DOP1A: variants seen among roughly 807,000 people sequenced by gnomAD.
The protein encoded by DOP1A is protein DOP1A.
DOP1A carries 90 observed loss-of-function variants against 267.6 expected under a neutral mutation model. That is an observed-to-expected ratio of 0.34 (90% confidence interval 0.28 to 0.40). The LOEUF (loss-of-function observed/expected upper bound fraction) is 0.40. Ranked by LOEUF, DOP1A falls within the 10% of genes least tolerant of loss-of-function variation. The pLI is 1.00. For synonymous variants in DOP1A, 932 were observed against 999.1 expected, an observed-to-expected ratio of 0.93 and a Z score of 1.27; for missense variants, 2,437 against 2,900.4, an observed-to-expected ratio of 0.84 and a Z score of 3.67.
chr6:83,133,001 A>T (rs1307380489), intron 18 of DOP1A, among the ~76,000 whole-genome samples: 2 of 152,126 alleles, frequency 1.3e-5, no homozygotes, highest in African/African-American at 2.4e-5. Context: ...ATTTTTAAAA[A>T]ACTCAAAATG....
chr6:83,135,578 G>A (rs752986682), intron 19 of DOP1A, 41 bp from the exon 20 acceptor site: 2 of 1,568,166 alleles, frequency 1.3e-6, no homozygotes, highest in South Asian at 1.2e-5. Context: ...TGACAAGGTA[G>A]ATGTTTGGTT....
chr6:83,089,083 T>G (rs1157303513), intron 1 of DOP1A, among the ~76,000 whole-genome samples: 1 of 152,218 alleles, frequency 6.6e-6, no homozygotes, highest in Non-Finnish European at 1.5e-5. Context: ...CCCAGATACA[T>G]CTTTGGAATT....
At chr6:83,158,043 G>A (rs1311451008) in intron 35 of DOP1A, among the ~76,000 whole-genome samples, 2 of 151,602 alleles carry the variant, frequency 1.3e-5, no homozygotes, top group African/African-American at 4.8e-5. Context: ...CTGTCACCCA[G>A]GCTGGAGTGC....
In DOP1A at chr6:83,130,195, G is replaced by A. The variant is rs1353389894; in HGVS notation, c.2414G>A (p.Ser805Asn). ...MNACSQASDFSVQSVAISLVM... is the reference protein window; with the variant it reads ...MNACSQASDFNVQSVAISLVM... ...GCTTGCAGCCAAGCAAGTGATTTCA[G>A]TGTTCAGAGTGTTGCTATTTCACTA... Residue 805 changes from serine (S) to asparagine (N), a missense_variant, in exon 17 of 39, where the codon AGT becomes AAT. Ser to Asn is a conservative substitution (Grantham distance 46). This residue lies in a region of DOP1A where 878 missense variants were observed against 992.9 expected (regional missense o/e 0.88). Coordinates refer to ENST00000349129, the MANE Select transcript of DOP1A (RefSeq NM_015018.4). 6.2e-7 allele frequency: 1 copy of A among 1,614,090 alleles called. No homozygotes were observed. Among genetic ancestry groups the A allele is most frequent in the East Asian group, 2.2e-5 (1 of 44,864 alleles).
chr6:83,071,182 G>C (rs936802408), intron 1 of DOP1A, among the ~76,000 whole-genome samples: 1 of 152,106 alleles, frequency 6.6e-6, no homozygotes, highest in African/African-American at 2.4e-5. Flanking sequence ...TCTTGATACA[G>C]TCAGAGGAAC....
chr6:83,136,650 T>C (rs1778903907), intron 20 of DOP1A, among the ~76,000 whole-genome samples: 1 of 152,160 alleles, frequency 6.6e-6, no homozygotes, highest in East Asian at 1.9e-4. Flanking sequence ...GGTTCCTCTC[T>C]CTGGCTTCTT....
At chr6:83,137,058 A>G (rs956077728) in intron 20 of DOP1A, 115 bp from the exon 21 acceptor site, 1 of 1,010,650 alleles carries the variant, frequency 9.9e-7, no homozygotes, top group Non-Finnish European at 1.3e-6. Context: ...TTAGGAAAAT[A>G]TAAGTAGATG....
intron 1 of DOP1A, among the ~76,000 whole-genome samples, chr6:83,081,323 G>T (rs1413600177): frequency 6.6e-6 from 1 of 152,022 alleles, no homozygotes; most frequent in African/African-American, 2.4e-5. Context: ...GGCCAGGCTG[G>T]TCTCCAACTT....
rs576572681 is a variant in DOP1A at position 83,105,929 on chromosome 6, G to A, written c.321-2981G>A. Among the ~76,000 whole-genome samples the A allele has an allele frequency of 1.7e-3, 264 of 152,176 alleles. 1 individual carries two copies. The highest frequency in any genetic ancestry group is 5.7e-3 in the African/African-American group (238 of 41,534). On this transcript the variant is annotated intron_variant, in intron 4 of 38. Coordinates refer to ENST00000349129, the MANE Select transcript of DOP1A (RefSeq NM_015018.4). ...CCTATTTTTATCATTAGTATGTTACGTAAAATTAAATCTAGAATACCATTT... is the reference window on the plus strand; with the variant it reads ...CCTATTTTTATCATTAGTATGTTACATAAAATTAAATCTAGAATACCATTT...
Position 83,138,027 on chromosome 6 carries a change from C to G in DOP1A, c.3985C>G (p.Leu1329Val), listed in dbSNP as rs182257107. The G allele has an allele frequency of 6.2e-7, 1 of 1,610,276 alleles. No homozygotes were observed. The highest frequency in any genetic ancestry group is 1.1e-5 in the South Asian group (1 of 90,492). ...KQTSVFFSDGLDLENWYSCGE... is the reference protein window; with the variant it reads ...KQTSVFFSDGVDLENWYSCGE... Reference sequence around the variant, plus strand: ...AACCAGTGTATTCTTCAGTGATGGTCTGGATTTAGAGAACTGGTATAGCTG... The same window carrying G: ...AACCAGTGTATTCTTCAGTGATGGTGTGGATTTAGAGAACTGGTATAGCTG... Residue 1329 changes from leucine to valine, a missense_variant, in exon 21 of 39, where the codon CTG (leucine) becomes GTG (valine). Transcript: ENST00000349129.
chr6:83,096,762 T>G lies in DOP1A; in HGVS notation c.-115T>G. On this transcript the variant is annotated 5_prime_UTR_variant, in exon 2 of 39. Transcript: ENST00000349129. ...ACACACAAGTAGTTATCTTTCAGGC[T>G]GTCTTTGAATACTTCCATGACCCTG... The G allele has an allele frequency of 2.3e-6, 1 of 431,410 alleles. No homozygotes were observed. The highest frequency in any genetic ancestry group is 1.0e-4 in the South Asian group (1 of 9,904). The allele number at this position is 431,410 out of a possible 1,614,324, so 26.7% of individuals were successfully genotyped here.
At chr6:83,152,048 G>C in intron 29 of DOP1A, 21 bp downstream of exon 29, 1 of 1,612,772 alleles carries the variant, frequency 6.2e-7, no homozygotes, top group Non-Finnish European at 8.5e-7. Context: ...CAAACATTTA[G>C]GTTTATTATC....
intron 38 of DOP1A, chr6:83,165,928 C>A: frequency 2.6e-6 from 1 of 388,672 alleles, no homozygotes; most frequent in South Asian, 2.1e-5. Context: ...TGTAGTGGAT[C>A]AGACTGGCAG....
At position 83,108,897 on chromosome 6, in the gene DOP1A, AT is replaced by A. The variant is rs770675627; in HGVS notation, c.321-6del. The A allele has an allele frequency of 1.9e-6, 3 of 1,602,598 alleles. No homozygotes were observed. The highest frequency in any genetic ancestry group is 2.7e-5 in the African/African-American group (2 of 74,294). ...TTTTGCTTCCTTCTCCTTTGTCTTTATTTTTTTAATAGTTCTGGATTATTTC... is the reference window on the plus strand; with the variant it reads ...TTTTGCTTCCTTCTCCTTTGTCTTTATTTTTTAATAGTTCTGGATTATTTC... On this transcript the variant is annotated splice_polypyrimidine_tract_variant and intron_variant, in intron 4 of 38. Transcript: ENST00000349129.
chr6:83,170,062 T>C (rs1205080969), downstream of DOP1A, among the ~76,000 whole-genome samples: 1 of 152,222 alleles, frequency 6.6e-6, no homozygotes, highest in Non-Finnish European at 1.5e-5. Flanking sequence ...GTTAAAAATA[T>C]GACACTTTCA....
chr6:83,158,610 A>C lies in DOP1A; in HGVS notation c.6785A>C (p.Glu2262Ala). The C allele has an allele frequency of 6.2e-7, 1 of 1,605,614 alleles. No homozygotes were observed. The highest frequency in any genetic ancestry group is 8.5e-7 in the Non-Finnish European group (1 of 1,174,722). ...LLMEQELTAD[E>A]DISRTSGPSV... ...ATGGAGCAGGAACTCACTGCTGATG[A>C]AGATATTTCACGGTAATATGTAATT... Residue 2262 changes from glutamate (E) to alanine (A), a missense_variant, in exon 36 of 39, where the codon GAA (glutamate) becomes GCA (alanine). This residue lies in a region of DOP1A where 197 missense variants were observed against 246.5 expected (regional missense o/e 0.80). Coordinates refer to ENST00000349129, the MANE Select transcript of DOP1A (RefSeq NM_015018.4).
rs1324574127 is a variant in DOP1A at position 83,134,222 on chromosome 6, T to C, written c.2805T>C (p.Val935=). 7.4e-6 allele frequency: 12 copies of C among 1,612,986 alleles called. No individual in the cohort carries two copies. Among genetic ancestry groups the C allele is most frequent in the Non-Finnish European group, 1.0e-5 (12 of 1,179,430 alleles). The change falls in exon 19 of 39, where the codon GTT becomes GTC. Residue 935 remains valine, a synonymous_variant. Transcript: ENST00000349129. ...TGGAAGCACATGCCAAGTTTGCAGTTCTTTGGCATCTAACGAGAGATCTCC... is the reference window on the plus strand; with the variant it reads ...TGGAAGCACATGCCAAGTTTGCAGTCCTTTGGCATCTAACGAGAGATCTCC... The part of the protein sequence containing the change: ...IRMEAHAKFA[V]LWHLTRDLHI...
chr6:83,139,186 T>C, intron 21 of DOP1A, 24 bp downstream of exon 21: 1 of 1,556,160 alleles, frequency 6.4e-7, no homozygotes, highest in Non-Finnish European at 8.8e-7. Context: ...TTTAACTTTA[T>C]TGGTACTGAC....
At chr6:83,170,783 C>A, downstream of DOP1A, 1 of 220,796 alleles carries the variant, frequency 4.5e-6, no homozygotes, top group Non-Finnish European at 8.9e-6. Context: ...AGTGGTAGCC[C>A]ATTATATAAG....
Sources: gnomAD v4.1 joint callset for allele counts (sites outside exome capture counted in the v4.1 genomes callset) on GRCh38, gnomAD v4.1.1 for gene constraint, gnomAD v4.1.1 regional missense constraint, MANE v1.5 for transcripts, NCBI Gene and HGNC (gene_info 2026-07-23, HGNC 2026-07-21) for gene names.